The following SPAG17 variants were observed in gnomAD, a reference collection of about 807,000 sequenced individuals.
The protein encoded by SPAG17 is sperm-associated antigen 17.
Under a neutral mutation model 273.6 loss-of-function variants are expected in SPAG17, and 169 were observed. The ratio of observed to expected loss-of-function variants is 0.62; its 90% CI spans 0.55 to 0.70. SPAG17 has a LOEUF of 0.70. Among genes scored for constraint, SPAG17 ranks in the 30% least tolerant of loss-of-function variants. The pLI, the probability that SPAG17 is intolerant of heterozygous loss-of-function variation, is 0.00. For synonymous variants in SPAG17, 825 were observed against 873.2 expected, an observed-to-expected ratio of 0.94 and a Z score of 0.97; for missense variants, 2,557 against 2,627.8, an observed-to-expected ratio of 0.97 and a Z score of 0.59.
chr1:118,147,283 C>T (rs969172971), intron 3 of SPAG17, among the ~76,000 whole-genome samples: 12 of 152,052 alleles, frequency 7.9e-5, no homozygotes, highest in Non-Finnish European at 1.0e-4. Context: ...TGTTAATATT[C>T]GGTAAAACCG....
chr1:118,050,772 G>T (rs1650913795), intron 20 of SPAG17, among the ~76,000 whole-genome samples: 1 of 152,152 alleles, frequency 6.6e-6, no homozygotes, highest in African/African-American at 2.4e-5. Context: ...TGTACGTCCT[G>T]AAATTATGAA....
At chr1:118,038,435 G>T (rs1359786585) in intron 23 of SPAG17, among the ~76,000 whole-genome samples, 1 of 152,154 alleles carries the variant, frequency 6.6e-6, no homozygotes, top group Non-Finnish European at 1.5e-5. Flanking sequence ...ACCCAAGGGA[G>T]TTGAAAACTT....
chr1:118,044,467 A>G (rs936694356), intron 20 of SPAG17, among the ~76,000 whole-genome samples: 2 of 152,108 alleles, frequency 1.3e-5, no homozygotes, highest in African/African-American at 2.4e-5. Context: ...CCTGGGCAAC[A>G]GAGCAAGACT....
In SPAG17 at chr1:117,984,668, A is replaced by G. The variant is rs781246275; in HGVS notation, c.5769+15T>C. 27 of 1,482,060 alleles carry G rather than the reference A, an allele frequency of 1.8e-5. No homozygotes were observed. Among genetic ancestry groups the G allele is most frequent in the Middle Eastern group, 1.7e-4 (1 of 5,798 alleles). 91.8% of individuals were successfully genotyped at this position (1,482,060 alleles called of 1,614,324 possible). A position where few individuals can be genotyped will look rare whatever the true frequency, so the allele number is the denominator to read the frequency against. ...AAAAACTTTTATTAGATTATAGTTC[A>G]TTATATTCAATTACCTGAGACTGAT... On this transcript the variant is annotated intron_variant, in intron 41 of 48. Transcript: ENST00000336338.
At chr1:118,181,020 A>T (rs1238846064) in intron 1 of SPAG17, among the ~76,000 whole-genome samples, 1 of 152,068 alleles carries the variant, frequency 6.6e-6, no homozygotes, top group Non-Finnish European at 1.5e-5. Context: ...GTGAAGCTGT[A>T]AAGTGAATTT....
intron 44 of SPAG17, among the ~76,000 whole-genome samples, chr1:117,972,918 T>A (rs1343345742): frequency 3.9e-5 from 6 of 152,056 alleles, no homozygotes; most frequent in Non-Finnish European, 8.8e-5. Context: ...ATGGCTGAAT[T>A]ATAGTGAGTT....
intron 34 of SPAG17, among the ~76,000 whole-genome samples, chr1:117,995,432 C>T (rs1285640370): frequency 6.6e-6 from 1 of 152,096 alleles, no homozygotes; most frequent in African/African-American, 2.4e-5. Flanking sequence ...GTGTTTAGTA[C>T]ATGGTGGTTT....
intron 17 of SPAG17, 76 bp downstream of exon 17, chr1:118,073,778 G>T (rs1225289160): frequency 3.3e-6 from 3 of 910,966 alleles, no homozygotes; most frequent in Non-Finnish European, 5.1e-6. Flanking sequence ...ATGACCTGGA[G>T]GTGAACTGTT....
chr1:118,079,397 GTC>G (rs1182814123), intron 15 of SPAG17, among the ~76,000 whole-genome samples: 5 of 151,966 alleles, frequency 3.3e-5, no homozygotes, highest in African/African-American at 9.7e-5. Context: ...TCTGAGGGAA[GTC>G]TCTGTTTCTT....
intron 35 of SPAG17, among the ~76,000 whole-genome samples, chr1:117,994,012 A>G (rs1657388680): frequency 6.6e-6 from 1 of 152,184 alleles, no homozygotes; most frequent in African/African-American, 2.4e-5. Context: ...AAAAAAAGGG[A>G]GAGTAAAAGG....
chr1:118,061,693 C>A (rs761704311), intron 18 of SPAG17, among the ~76,000 whole-genome samples: 2 of 152,026 alleles, frequency 1.3e-5, no homozygotes, highest in Non-Finnish European at 2.9e-5. Context: ...ATGTTTAGTA[C>A]CTTGGTTGTG....
chr1:118,116,906 T>C (rs1657114628), intron 3 of SPAG17, among the ~76,000 whole-genome samples: 1 of 152,160 alleles, frequency 6.6e-6, no homozygotes, highest in Admixed American at 6.5e-5. Flanking sequence ...AGAGACATGA[T>C]GGCTGTGATT....
intron 32 of SPAG17, among the ~76,000 whole-genome samples, chr1:117,999,439 C>T (rs1658021997): frequency 1.3e-5 from 2 of 152,204 alleles, no homozygotes; most frequent in African/African-American, 4.8e-5. Flanking sequence ...AGTTTACACT[C>T]CCACCAACTG....
intron 3 of SPAG17, among the ~76,000 whole-genome samples, chr1:118,120,108 A>C (rs973906568): frequency 2.1e-4 from 32 of 152,274 alleles, no homozygotes; most frequent in African/African-American, 7.5e-4. Flanking sequence ...ACTGTATGAA[A>C]GGGTCCGTTC....
At chr1:118,002,579 G>A (rs1331838223) in intron 32 of SPAG17, among the ~76,000 whole-genome samples, 1 of 152,070 alleles carries the variant, frequency 6.6e-6, no homozygotes, top group Admixed American at 6.5e-5. Context: ...AATATGTAAT[G>A]GCCTTCTTTG....
chr1:117,963,193 T>C (rs1653335829), intron 48 of SPAG17: 1 of 152,094 alleles, frequency 6.6e-6, no homozygotes, highest in Admixed American at 6.5e-5. Context: ...CCCTTCCCCT[T>C]GAGTATGGGG....
At chr1:118,047,920 C>G (rs534372593) in intron 20 of SPAG17, among the ~76,000 whole-genome samples, 1 of 152,302 alleles carries the variant, frequency 6.6e-6, no homozygotes, top group South Asian at 2.1e-4. Context: ...ACAAAAGGTC[C>G]AGGCCTGCTC....
chr1:118,035,480 C>T (rs984660891), intron 24 of SPAG17, among the ~76,000 whole-genome samples: 7 of 152,108 alleles, frequency 4.6e-5, no homozygotes, highest in Non-Finnish European at 1.0e-4. Context: ...ATGACTTCTC[C>T]AGTTGCTGAC....
intron 3 of SPAG17, among the ~76,000 whole-genome samples, chr1:118,128,759 T>C (rs1657886087): frequency 6.6e-6 from 1 of 152,192 alleles, no homozygotes; most frequent in Non-Finnish European, 1.5e-5. Context: ...ATGTTCCACT[T>C]CTCAGACTAG....
Sources: allele counts gnomAD v4.1 joint callset (sites outside exome capture counted in the v4.1 genomes callset), GRCh38; gene constraint gnomAD v4.1.1; transcripts MANE v1.5; gene names NCBI Gene and HGNC (gene_info 2026-07-23, HGNC 2026-07-21).